SPATA13: variants seen among roughly 807,000 people sequenced by gnomAD.
The protein encoded by SPATA13 is spermatogenesis-associated protein 13.
A neutral mutation model predicts 104.0 loss-of-function variants in SPATA13; 50 were observed. That is an observed-to-expected ratio of 0.48 (90% CI 0.38 to 0.61). The LOEUF (loss-of-function observed/expected upper bound fraction) is 0.61, where lower values mean the gene tolerates loss of function less well. Among genes scored for constraint, SPATA13 ranks in the 20% least tolerant of loss-of-function variants. SPATA13 has a pLI of 0.00. For synonymous variants in SPATA13, 606 were observed against 667.5 expected, an observed-to-expected ratio of 0.91 and a Z score of 1.42; for missense variants, 1,524 against 1,690.6, an observed-to-expected ratio of 0.90 and a Z score of 1.73.
intron 1 of SPATA13, among the ~76,000 whole-genome samples, chr13:24,216,469 A>T (rs1289001813): frequency 6.6e-6 from 1 of 152,246 alleles, no homozygotes; most frequent in Non-Finnish European, 1.5e-5. Flanking sequence ...TCCAAAAGAT[A>T]CGCTTATTCT....
intron 1 of SPATA13, among the ~76,000 whole-genome samples, chr13:24,166,869 T>A (rs1334173626): frequency 6.6e-6 from 1 of 152,222 alleles, no homozygotes; most frequent in Non-Finnish European, 1.5e-5. Context: ...CATGATTTAA[T>A]CAGTTCCAAA....
chr13:24,248,883 C>CTTT (rs57863513), intron 2 of SPATA13, among the ~76,000 whole-genome samples: 2 of 144,128 alleles, frequency 1.4e-5, no homozygotes. Flanking sequence ...TGCTGATTTT[C>CTTT]TTTTTTTTTT....
chr13:24,073,506 G>T (rs1039193623), intron 3 of SPATA13, among the ~76,000 whole-genome samples: 1 of 152,254 alleles, frequency 6.6e-6, no homozygotes, highest in Non-Finnish European at 1.5e-5. Context: ...GCTGAGGCAT[G>T]CAGTTCTTGG....
intron 2 of SPATA13, among the ~76,000 whole-genome samples, chr13:24,004,318 C>T (rs1000446154): frequency 3.3e-5 from 5 of 152,314 alleles, no homozygotes; most frequent in Admixed American, 6.5e-5. Flanking sequence ...CACCTATCTG[C>T]GCACTTTGAA....
intron 3 of SPATA13, among the ~76,000 whole-genome samples, chr13:24,116,769 GCC>G (rs68080717): frequency 0.19 from 26,518 of 141,450 alleles, 3,800 homozygotes; most frequent in African/African-American, 0.39. Flanking sequence ...AGCCCTACCA[GCC>G]CCCCCCCCCC....
chr13:24,220,996 C>T (rs115698170), intron 1 of SPATA13, among the ~76,000 whole-genome samples: 2,077 of 152,300 alleles, frequency 0.014, 46 homozygotes, highest in African/African-American at 0.047. Flanking sequence ...CCTCTCTTGC[C>T]TTTGGCCTCT....
chr13:24,157,398 A>G (rs1382705739), upstream of SPATA13, among the ~76,000 whole-genome samples: 1 of 152,100 alleles, frequency 6.6e-6, no homozygotes, highest in Admixed American at 6.5e-5. Context: ...TCCCGGGTTC[A>G]CGCCATTCTT....
intron 3 of SPATA13, among the ~76,000 whole-genome samples, chr13:24,093,298 A>G (rs949924803): frequency 1.3e-5 from 2 of 152,210 alleles, no homozygotes; most frequent in African/African-American, 4.8e-5. Flanking sequence ...AATAGAATAC[A>G]AGTCAGGAAA....
chr13:24,160,495 C>A (rs1433413118), upstream of SPATA13, among the ~76,000 whole-genome samples: 1 of 152,172 alleles, frequency 6.6e-6, no homozygotes, highest in African/African-American at 2.4e-5. Flanking sequence ...CCGCCCACCT[C>A]GGCCTCCAAA....
At chr13:24,000,591 T>G (rs1041323039) in intron 2 of SPATA13, among the ~76,000 whole-genome samples, 1 of 152,024 alleles carries the variant, frequency 6.6e-6, no homozygotes, top group Non-Finnish European at 1.5e-5. Flanking sequence ...ATCCAGTCTA[T>G]GAAGTGGTGG....
intron 3 of SPATA13, among the ~76,000 whole-genome samples, chr13:24,040,596 G>A (rs962736126): frequency 7.2e-5 from 11 of 152,046 alleles, no homozygotes; most frequent in African/African-American, 2.4e-4. Context: ...GGGAGACACA[G>A]GGGTCCAGGA....
At chr13:24,249,148 G>A (rs1873329870) in intron 2 of SPATA13, among the ~76,000 whole-genome samples, 2 of 152,186 alleles carry the variant, frequency 1.3e-5, no homozygotes, top group African/African-American at 4.8e-5. Flanking sequence ...AGGATTACAG[G>A]CATGAGCCAC....
intron 1 of SPATA13, among the ~76,000 whole-genome samples, chr13:24,204,366 C>G (rs1870584669): frequency 4.0e-5 from 1 of 25,170 alleles, no homozygotes; most frequent in Admixed American, 8.3e-4. Flanking sequence ...CTTAATTTAA[C>G]TGGTAAATTG....
Position 24,290,762 on chromosome 13 carries a change from C to T in SPATA13, c.2958C>T (p.Cys986=), listed in dbSNP as rs776713234. The change falls in exon 9 of 13, where the codon TGC becomes TGT. Residue 986 remains cysteine (C), a synonymous_variant. Coordinates refer to ENST00000382108, the MANE Select transcript of SPATA13 (RefSeq NM_001166271.3). ...AGTACAGACATTTCTTTGAAGCCTG[C>T]CGCCTGCTGCAGCAGATGATTGACA... ...QGKYRHFFEA[C]RLLQQMIDIA... is the part of the protein sequence containing the mutation. 1.2e-6 allele frequency: 2 copies of T among 1,614,218 alleles called. No individual in the cohort carries two copies. The highest frequency in any genetic ancestry group is 1.7e-6 in the Non-Finnish European group (2 of 1,180,038).
chr13:24,249,339 A>G, intron 2 of SPATA13, 138 bp from the exon 3 acceptor site: 1 of 1,107,264 alleles, frequency 9.0e-7, no homozygotes, highest in Middle Eastern at 3.1e-4. Flanking sequence ...GTTCTAGTAC[A>G]CAAATAACTG....
At chr13:24,030,387 A>G (rs912853295) in intron 3 of SPATA13, among the ~76,000 whole-genome samples, 6 of 152,148 alleles carry the variant, frequency 3.9e-5, no homozygotes, top group African/African-American at 1.4e-4. Context: ...AAGAGCCAAG[A>G]CCAAGATAGG....
At chr13:24,029,242 G>A (rs1877367303) in intron 3 of SPATA13, among the ~76,000 whole-genome samples, 1 of 152,048 alleles carries the variant, frequency 6.6e-6, no homozygotes. Flanking sequence ...TCTTTTCGTG[G>A]GAATACTTTA....
intron 1 of SPATA13, among the ~76,000 whole-genome samples, chr13:24,169,145 C>G (rs1159690423): frequency 6.6e-6 from 1 of 152,064 alleles, no homozygotes; most frequent in East Asian, 1.9e-4. Context: ...GCCACGCTGT[C>G]AGAACTTTGG....
chr13:24,292,341 G>A (rs1876449847), intron 9 of SPATA13, among the ~76,000 whole-genome samples: 1 of 152,230 alleles, frequency 6.6e-6, no homozygotes, highest in African/African-American at 2.4e-5. Context: ...CTAATTCTGA[G>A]TTCTCACCTG....
Sources: gnomAD v4.1 joint callset for allele counts (sites outside exome capture counted in the v4.1 genomes callset) on GRCh38, gnomAD v4.1.1 for gene constraint, MANE v1.5 for transcripts, NCBI Gene and HGNC (gene_info 2026-07-23, HGNC 2026-07-21) for gene names.